Variants in SLC47A2 observed in about 807,000 individuals in gnomAD.
The protein encoded by SLC47A2 is multidrug and toxin extrusion protein 2.
Under a neutral mutation model 67.7 loss-of-function variants are expected in SLC47A2, and 52 were observed. The ratio of observed to expected loss-of-function variants is 0.77; its 90% CI spans 0.61 to 0.97. SLC47A2 has a LOEUF of 0.97. SLC47A2 is among the 50% of genes least tolerant of loss of function. The pLI is 0.00. For synonymous variants in SLC47A2, 278 were observed against 292.9 expected, an observed-to-expected ratio of 0.95 and a Z score of 0.52; for missense variants, 676 against 712.3, an observed-to-expected ratio of 0.95 and a Z score of 0.58.
intron 13 of SLC47A2, among the ~76,000 whole-genome samples, chr17:19,683,727 C>T (rs1018570667): frequency 6.6e-5 from 10 of 152,166 alleles, no homozygotes; most frequent in African/African-American, 1.9e-4. Flanking sequence ...ACTCTGAATA[C>T]GTCTCTAGCC....
rs137882903 is a variant in SLC47A2 at position 19,705,522 on chromosome 17, G to A, written c.842-19C>T. ...AGCAGCCCTAGAGAAGAGGCCCGCC[G>A]TGAGTCCGGCCCGCAGCCCCAGACA... On this transcript the variant is annotated intron_variant, in intron 9 of 16. Coordinates refer to ENST00000433844, the MANE Select transcript of SLC47A2 (RefSeq NM_001099646.3). 1,228 of 1,605,360 alleles carry A rather than the reference G, an allele frequency of 7.6e-4. 9 individuals are homozygous for A. Among genetic ancestry groups the A allele is most frequent in the African/African-American group, 4.5e-3 (333 of 74,662 alleles).
rs1286387722 is a variant in SLC47A2, at chr17:19,680,030, GTTTC to G, written c.1398_1401del (p.Lys466AsnfsTer38). ...CTCTGCTGCTGCTGCCGGCCTGAAT[GTTTC>G]TTAGCCTAAAGGAGAAAGAACTCAA... On this transcript the variant is annotated frameshift_variant, in exon 16 of 17. Coordinates refer to ENST00000433844, the MANE Select transcript of SLC47A2 (RefSeq NM_001099646.3). LOFTEE classifies it high-confidence loss of function. 6.2e-7 allele frequency: 1 copy of G among 1,613,732 alleles called. No homozygotes were observed. The highest frequency in any genetic ancestry group is 1.3e-5 in the African/African-American group (1 of 74,886).
In SLC47A2 at chr17:19,701,818, C is replaced by T. The variant is rs574423007; in HGVS notation, c.1164+787G>A. On this transcript the variant is annotated intron_variant, in intron 13 of 16. Transcript: ENST00000433844. ...CTTGGAAGATAAACCTGGCAGCTCCCGAGGCCAGCCATGCCTCCACCATGC... is the reference window on the plus strand; with the variant it reads ...CTTGGAAGATAAACCTGGCAGCTCCTGAGGCCAGCCATGCCTCCACCATGC... Among the ~76,000 whole-genome samples the T allele has an allele frequency of 2.6e-5, 4 of 152,232 alleles. No individual in the cohort carries two copies. In the South Asian group the frequency reaches 6.2e-4, roughly 24 times the overall value.
At position 19,695,727 on chromosome 17, in the gene SLC47A2, CT is replaced by C. The variant is rs879507702; in HGVS notation, c.1164+6877del. Among the ~76,000 whole-genome samples the C allele has an allele frequency of 4.6e-3, 646 of 141,362 alleles. 1 individual carries two copies. The highest frequency in any genetic ancestry group is 5.3e-3 in the Non-Finnish European group (343 of 64,232). The allele number at this position is 141,362 out of a possible 152,430, so 92.7% of individuals were successfully genotyped here. A position where few individuals can be genotyped will look rare whatever the true frequency, so the allele number is the denominator to read the frequency against. On this transcript the variant is annotated intron_variant, in intron 13 of 16. Coordinates refer to ENST00000433844, the MANE Select transcript of SLC47A2 (RefSeq NM_001099646.3). ...TCTCCCACAAAAGATACTGAAATTC[CT>C]TTTTTTTTTTTTAAGGTGGAGTTTC...
intron 9 of SLC47A2, 92 bp downstream of exon 9, chr17:19,706,556 C>T: frequency 9.2e-7 from 1 of 1,086,740 alleles, no homozygotes; most frequent in Non-Finnish European, 1.3e-6. Flanking sequence ...GAGGGGGCTT[C>T]TGGGATGGGT....
At chr17:19,681,131 T>C (rs986540453) in intron 15 of SLC47A2, among the ~76,000 whole-genome samples, 2 of 152,144 alleles carry the variant, frequency 1.3e-5, no homozygotes, top group Non-Finnish European at 2.9e-5. Context: ...GAGAATGGCA[T>C]GTACCCAGAA....
intron 4 of SLC47A2, 142 bp downstream of exon 4, chr17:19,713,683 G>T (rs1256228984): frequency 1.7e-6 from 2 of 1,167,726 alleles, no homozygotes; most frequent in African/African-American, 3.1e-5. Context: ...CCAAAGCCTG[G>T]AAGGTACCCA....
intron 13 of SLC47A2, 109 bp from the exon 14 acceptor site, chr17:19,681,779 T>C: frequency 7.3e-7 from 1 of 1,374,626 alleles, no homozygotes; most frequent in South Asian, 1.4e-5. Flanking sequence ...TTCACTGAGT[T>C]CTCACAGCAC....
In SLC47A2 at chr17:19,714,899, G is replaced by A. The variant is rs1446141860; in HGVS notation, c.226-110C>T. 1.4e-6 allele frequency: 2 copies of A among 1,479,104 alleles called. 1 individual carries two copies. The highest frequency in any genetic ancestry group is 2.3e-5 in the South Asian group (2 of 88,206). 91.6% of individuals were successfully genotyped at this position (1,479,104 alleles called of 1,614,324 possible). ...GAAATGCTGCCCAGCAGGCAGCGGT[G>A]GCAGAGGCTCTGCTCAGCAGCCTCA... On this transcript the variant is annotated intron_variant, in intron 2 of 16. Transcript: ENST00000433844.
At position 19,712,698 on chromosome 17, in the gene SLC47A2, C is replaced by G; in HGVS notation, c.486+5G>C. The G allele has an allele frequency of 6.2e-7, 1 of 1,613,072 alleles. No homozygotes were observed. Among genetic ancestry groups the G allele is most frequent in the Non-Finnish European group, 8.5e-7 (1 of 1,179,784 alleles). On this transcript the variant is annotated splice_donor_5th_base_variant and intron_variant, in intron 5 of 16. Coordinates refer to ENST00000433844, the MANE Select transcript of SLC47A2 (RefSeq NM_001099646.3). ...ATTCCACGCTCAGCAAACAGGGGCA[C>G]CTACCGGAAGTCCTGGAATGAAAAT...
intron 13 of SLC47A2, among the ~76,000 whole-genome samples, chr17:19,681,915 T>C (rs115655489): frequency 0.023 from 3,446 of 152,306 alleles, 70 homozygotes; most frequent in African/African-American, 0.051. Context: ...CAGGCTTCAC[T>C]GCCACACCAT....
In SLC47A2 at chr17:19,706,737, T is replaced by C; in HGVS notation, c.752A>G (p.Asp251Gly). Residue 251 changes from aspartate (D) to glycine (G), a missense_variant, in exon 9 of 17, where the codon GAC becomes GGC. By Grantham distance (94) the Asp-to-Gly change is moderately conservative. Coordinates refer to ENST00000433844, the MANE Select transcript of SLC47A2 (RefSeq NM_001099646.3). ...AGCCAGGGAGAAGAAGGGGCCCCAG[T>C]CCTGCAGGCACTGGCTGGACCAACC... The part of the protein sequence containing the change: ...WAGWSSQCLQ[D>G]WGPFFSLAVP... 6.2e-7 allele frequency: 1 copy of C among 1,610,154 alleles called. No homozygotes were observed. Among genetic ancestry groups the C allele is most frequent in the Non-Finnish European group, 8.5e-7 (1 of 1,179,044 alleles).
At position 19,685,535 on chromosome 17, in the gene SLC47A2, G is replaced by A. The variant is rs2085410499; in HGVS notation, c.1165-3865C>T. On this transcript the variant is annotated intron_variant, in intron 13 of 16. Coordinates refer to ENST00000433844, the MANE Select transcript of SLC47A2 (RefSeq NM_001099646.3). This position sits in a 1 kb window ranked among gnomAD's most constrained non-coding sequence, Gnocchi z 4.5. ...AGGAGCGCCTCTGCCTGGCCGCCCCGTCTGGGAGGGTTAAATGGATTAAGG... is the reference window on the plus strand; with the variant it reads ...AGGAGCGCCTCTGCCTGGCCGCCCCATCTGGGAGGGTTAAATGGATTAAGG... 1.3e-5 allele frequency among the ~76,000 whole-genome samples: 2 copies of A among 152,142 alleles called. No individual in the cohort carries two copies. Among genetic ancestry groups the A allele is most frequent in the Admixed American group, 6.5e-5 (1 of 15,274 alleles).
rs531402509 is a variant in SLC47A2 at position 19,706,301 on chromosome 17, G to A, written c.841+347C>T. Among the ~76,000 whole-genome samples, 3 of 152,298 alleles carry A rather than the reference G, an allele frequency of 2.0e-5. No individual in the cohort carries two copies. The East Asian group carries it at 5.8e-4, about 29-fold the overall frequency. ...CAAGCCTGGACCTCTGCTCACACCCGCAAACCAACTGAATCTCTCACTCCT... is the reference window on the plus strand; with the variant it reads ...CAAGCCTGGACCTCTGCTCACACCCACAAACCAACTGAATCTCTCACTCCT... On this transcript the variant is annotated intron_variant, in intron 9 of 16. Coordinates refer to ENST00000433844, the MANE Select transcript of SLC47A2 (RefSeq NM_001099646.3).
At chr17:19,704,029 G>T (rs906831947) in intron 11 of SLC47A2, 41 bp downstream of exon 11, 1 of 1,512,238 alleles carries the variant, frequency 6.6e-7, no homozygotes. Flanking sequence ...TGGTGACTCA[G>T]GCCAACGTTT....
chr17:19,703,249 A>G lies in SLC47A2; in HGVS notation c.1019-82T>C. ...TCAGATCAGCAAAGGGCTGGCCCCT[A>G]TGTCAGTGCAAGTCAGCCCAGCCCT... On this transcript the variant is annotated intron_variant, in intron 11 of 16. Transcript: ENST00000433844. 7 of 1,326,784 alleles carry G rather than the reference A, an allele frequency of 5.3e-6. No individual in the cohort carries two copies. In the South Asian group the frequency reaches 7.2e-5, roughly 14 times the overall value. The allele number at this position is 1,326,784 out of a possible 1,614,324, so 82.2% of individuals were successfully genotyped here.
At chr17:19,686,200 T>G (rs1384732651) in intron 13 of SLC47A2, among the ~76,000 whole-genome samples, 1 of 152,100 alleles carries the variant, frequency 6.6e-6, no homozygotes, top group African/African-American at 2.4e-5. Context: ...AGGCAGAGGT[T>G]GCAGTGAGCC....
chr17:19,718,395 GT>G (rs918598183), upstream of SLC47A2: 4 of 152,460 alleles, frequency 2.6e-5, no homozygotes, highest in African/African-American at 4.8e-5. Context: ...AGGACAGCTG[GT>G]TCCCGTGCCC....
chr17:19,704,735 G>A, intron 10 of SLC47A2: 1 of 1,535,040 alleles, frequency 6.5e-7, no homozygotes, highest in Non-Finnish European at 8.8e-7. Context: ...TGGTGGAGGA[G>A]AGCCCATGGC....
Sources: gnomAD v4.1 joint callset for allele counts (sites outside exome capture counted in the v4.1 genomes callset) on GRCh38, gnomAD v4.1.1 for gene constraint, Gnocchi (gnomAD v3.1) non-coding constraint, MANE v1.5 for transcripts, NCBI Gene and HGNC (gene_info 2026-07-23, HGNC 2026-07-21) for gene names.